XKRX: variants seen among roughly 807,000 people sequenced by gnomAD.
XKRX encodes XK-related protein 2.
In XKRX, 11 loss-of-function variants were observed where a neutral mutation model predicts 22.4. The ratio of observed to expected loss-of-function variants is 0.49; its 90% CI spans 0.31 to 0.81. The LOEUF (loss-of-function observed/expected upper bound fraction) is 0.81, where lower values mean the gene tolerates loss of function less well. XKRX is among the 40% of genes least tolerant of loss of function. The probability of loss-of-function intolerance (pLI) is 0.05; values close to 1 mark genes in which losing one functional copy is unlikely to be tolerated. For synonymous variants in XKRX, 114 were observed against 132.2 expected (o/e 0.86, Z 0.94); for missense variants, 320 against 336.5 (o/e 0.95, Z 0.38).
the XKRX span, among the ~76,000 whole-genome samples, chrX:100,889,550 A>C: frequency 9.0e-6 from 1 of 110,975 alleles, no homozygotes; most frequent in Non-Finnish European, 1.9e-5. Context: ...AACAGGGGGA[A>C]TGTTTGAATG....
the XKRX span, among the ~76,000 whole-genome samples, chrX:100,898,684 G>T: frequency 9.1e-6 from 1 of 110,330 alleles, no homozygotes; most frequent in African/African-American, 3.3e-5. Context: ...AGCTTTCATG[G>T]GTGGGTGACC....
intron 2 of XKRX, among the ~76,000 whole-genome samples, chrX:100,915,544 G>T (rs2085430350): frequency 9.0e-6 from 1 of 111,226 alleles, no homozygotes; most frequent in Non-Finnish European, 1.9e-5. Flanking sequence ...CCACTGCTGG[G>T]TGTATACCTA....
At chrX:100,930,859 C>T (rs756855090), upstream of XKRX, among the ~76,000 whole-genome samples, 14 of 110,414 alleles carry the variant, frequency 1.3e-4, no homozygotes, top group Non-Finnish European at 1.7e-4. Flanking sequence ...CAGCCGGGCG[C>T]GGTAGCTCAT....
At chrX:100,900,910 C>T in the XKRX span, among the ~76,000 whole-genome samples, 2 of 108,090 alleles carry the variant, frequency 1.9e-5, no homozygotes, top group African/African-American at 3.4e-5. Flanking sequence ...CTGCCTCAGC[C>T]TCCCGAGTAG....
Position 100,914,948 on chromosome X carries a change from C to T in XKRX, c.740G>A (p.Arg247Gln), listed in dbSNP as rs1416674446. 19 of 1,209,909 alleles carry T rather than the reference C, an allele frequency of 1.6e-5. No individual in the cohort carries two copies. Among genetic ancestry groups the T allele is most frequent in the Non-Finnish European group, 1.9e-5 (17 of 895,305 alleles). ...PLEVLCITIW[R>Q]TLEITSRLLI... ...GAGGCGGGAAGTGATCTCCAATGTC[C>T]GCCAGATGGTGATGCAGAGGACTTC... Residue 247 changes from arginine to glutamine, a missense_variant, in exon 3 of 3, where the codon CGG becomes CAG. Coordinates refer to ENST00000372956, the MANE Select transcript of XKRX (RefSeq NM_212559.3).
chrX:100,939,354 G>C, the XKRX span, among the ~76,000 whole-genome samples: 3 of 112,018 alleles, frequency 2.7e-5, no homozygotes, highest in African/African-American at 9.7e-5. Context: ...AAAGTTAGGA[G>C]TGACTTTGTT....
chrX:100,923,059 C>T lies in XKRX; in HGVS notation c.338G>A (p.Cys113Tyr), dbSNP rs2085481608. 8.3e-7 allele frequency: 1 copy of T among 1,209,555 alleles called. No homozygotes were observed. The highest frequency in any genetic ancestry group is 1.1e-6 in the Non-Finnish European group (1 of 894,918). ...HLILLGPVIR[C>Y]LEAMIKYLTL... ...GAGGTACTTAATCATGGCCTCCAAA[C>T]ATCTGCAGAAGTAAAGCATCATGCA... The change falls in exon 2 of 3, where the codon TGT becomes TAT. Residue 113 changes from cysteine (C) to tyrosine (Y), a missense_variant and splice_region_variant. Cys to Tyr is a radical substitution (Grantham distance 194). Transcript: ENST00000372956.
chrX:100,928,346 C>A lies in XKRX; in HGVS notation c.-42G>T. On this transcript the variant is annotated 5_prime_UTR_variant, in exon 1 of 3. Coordinates refer to ENST00000372956, the MANE Select transcript of XKRX (RefSeq NM_212559.3). The stretch of plus-strand genomic sequence containing the variant: ...GAATGTTGTGGTCTTGTGTTCATAG[C>A]ACCCTCCCACCCATCCCCAAGAGAA... 8.5e-7 allele frequency: 1 copy of A among 1,183,303 alleles called. No individual in the cohort carries two copies. The highest frequency in any genetic ancestry group is 1.1e-6 in the Non-Finnish European group (1 of 881,881).
At chrX:100,917,670 AAAGAAAAGAAAG>A (rs1297420969) in intron 2 of XKRX, among the ~76,000 whole-genome samples, 17 of 40,601 alleles carry the variant, frequency 4.2e-4, no homozygotes, top group African/African-American at 1.1e-3. Flanking sequence ...AGAAAGAAAG[AAAGAAAAGAAAG>A]AAAGAAAGAA....
rs939410063 is a variant in XKRX, at chrX:100,924,585, A to G, written c.336-1524T>C. On this transcript the variant is annotated intron_variant, in intron 1 of 2. Transcript: ENST00000372956. ...CACCTGAGTTACCACTTCGCCACTC[A>G]CCTTTAATGAATAAAAACTGTGGAC... is the stretch of plus-strand genomic sequence containing the variant. Among the ~76,000 whole-genome samples, 6 of 111,709 alleles carry G rather than the reference A, an allele frequency of 5.4e-5. 1 individual carries two copies. The highest frequency in any genetic ancestry group is 1.1e-4 in the Non-Finnish European group (6 of 53,156).
chrX:100,924,925 T>C (rs1291748637), intron 1 of XKRX, among the ~76,000 whole-genome samples: 5 of 111,657 alleles, frequency 4.5e-5, no homozygotes, highest in Admixed American at 2.9e-4. Context: ...CCAGTCTCCA[T>C]AGATCACCCT....
At chrX:100,916,080 CA>C (rs1160174254) in intron 2 of XKRX, among the ~76,000 whole-genome samples, 2 of 61,867 alleles carry the variant, frequency 3.2e-5, no homozygotes, top group Non-Finnish European at 5.5e-5. Flanking sequence ...AGTTTTACCA[CA>C]CACACACACA....
chrX:100,958,538 T>C, the XKRX span, among the ~76,000 whole-genome samples: 2 of 112,193 alleles, frequency 1.8e-5, no homozygotes, highest in Non-Finnish European at 3.8e-5. Context: ...AAGAGTTTCA[T>C]TGTGGGGAGA....
chrX:100,949,228 A>C, the XKRX span, among the ~76,000 whole-genome samples: 1 of 111,693 alleles, frequency 9.0e-6, no homozygotes, highest in Middle Eastern at 4.6e-3. Flanking sequence ...AAGATGGGGC[A>C]AGGTGCTTCA....
upstream of XKRX, among the ~76,000 whole-genome samples, chrX:100,932,775 G>C (rs2085524933): frequency 1.8e-5 from 2 of 112,521 alleles, no homozygotes; most frequent in Admixed American, 9.4e-5. Flanking sequence ...ACACTTATTG[G>C]TGGGAGGTGA....
At position 100,923,011 on chromosome X, in the gene XKRX, T is replaced by C; in HGVS notation, c.386A>G (p.Gln129Arg). 1 of 1,211,981 alleles carries C rather than the reference T, an allele frequency of 8.3e-7. No individual in the cohort carries two copies. Among genetic ancestry groups the C allele is most frequent in the Non-Finnish European group, 1.1e-6 (1 of 895,508 alleles). Residue 129 changes from glutamine to arginine, a missense_variant, in exon 2 of 3, where the codon CAG becomes CGG. Gln to Arg is a conservative substitution (Grantham distance 43). Transcript: ENST00000372956. ...KYLTLWKKEE[Q>R]EEPYVSLTRK... ...GGTGAGGCTGACATAGGGCTCCTCC[T>C]GCTCCTCTTTCTTCCACAGTGTGAG...
the XKRX span, among the ~76,000 whole-genome samples, chrX:100,951,141 G>A: frequency 1.9e-5 from 2 of 106,330 alleles, no homozygotes; most frequent in African/African-American, 3.5e-5. Flanking sequence ...GGCTAGGGCA[G>A]GAGAATCGCT....
the XKRX span, among the ~76,000 whole-genome samples, chrX:100,946,610 G>A: frequency 8.9e-6 from 1 of 111,765 alleles, no homozygotes; most frequent in Non-Finnish European, 1.9e-5. Flanking sequence ...AAGAGGATGA[G>A]GGAAGAAACA....
chrX:100,943,694 G>A, the XKRX span, among the ~76,000 whole-genome samples: 3 of 112,006 alleles, frequency 2.7e-5, no homozygotes, highest in Admixed American at 1.9e-4. Flanking sequence ...GTGAGCCACC[G>A]TGCCTGGCCA....
Sources: gnomAD v4.1 joint callset for allele counts (sites outside exome capture counted in the v4.1 genomes callset) on GRCh38, gnomAD v4.1.1 for gene constraint, MANE v1.5 for transcripts, NCBI Gene and HGNC (gene_info 2026-07-23, HGNC 2026-07-21) for gene names.